Variants in CNTNAP5 observed in about 807,000 individuals in gnomAD.
CNTNAP5 encodes contactin associated protein family member 5.
Under a neutral mutation model 150.2 loss-of-function variants are expected in CNTNAP5, and 72 were observed. The observed-to-expected ratio is 0.48, with a 90% CI of 0.40 to 0.58. CNTNAP5 has a LOEUF of 0.58. Among genes scored for constraint, CNTNAP5 ranks in the 20% least tolerant of loss-of-function variants. The pLI is 0.00. For missense variants in CNTNAP5, 1,636 were observed against 1,626.2 expected (o/e 1.01, Z -0.10); for synonymous variants, 672 against 619.8 (o/e 1.08, Z -1.25).
chr2:124,337,520 G>A (rs1300090475), intron 3 of CNTNAP5, among the ~76,000 whole-genome samples: 2 of 152,134 alleles, frequency 1.3e-5, no homozygotes, highest in African/African-American at 4.8e-5. Context: ...TAACATTTAA[G>A]TCTTTAATCC....
At chr2:124,490,045 A>G (rs146687887) in intron 7 of CNTNAP5, among the ~76,000 whole-genome samples, 2 of 152,302 alleles carry the variant, frequency 1.3e-5, no homozygotes, top group African/African-American at 4.8e-5. Flanking sequence ...GGCAGAGTGC[A>G]GTGGCTTAAT....
intron 3 of CNTNAP5, among the ~76,000 whole-genome samples, chr2:124,243,234 A>T (rs1054575728): frequency 6.6e-6 from 1 of 152,312 alleles, no homozygotes; most frequent in Admixed American, 6.5e-5. Context: ...TTTAATCCAA[A>T]TGTGTGTAAA....
At chr2:124,407,067 C>T (rs1470935296) in intron 3 of CNTNAP5, among the ~76,000 whole-genome samples, 1 of 152,176 alleles carries the variant, frequency 6.6e-6, no homozygotes, top group Non-Finnish European at 1.5e-5. Flanking sequence ...ACATATACTA[C>T]ATTTCCTCTA....
At chr2:124,604,721 C>G (rs1697062948) in intron 11 of CNTNAP5, among the ~76,000 whole-genome samples, 1 of 152,148 alleles carries the variant, frequency 6.6e-6, no homozygotes, top group African/African-American at 2.4e-5. Context: ...TTTACAGTGT[C>G]CATAAATGGC....
chr2:124,222,859 A>G (rs1426147738), intron 2 of CNTNAP5, among the ~76,000 whole-genome samples: 1 of 151,720 alleles, frequency 6.6e-6, no homozygotes, highest in African/African-American at 2.4e-5. Context: ...CTTGTACTTC[A>G]TTTCACCAGT....
At chr2:124,772,741 G>C (rs1300818105) in intron 16 of CNTNAP5, 58 bp from the exon 17 acceptor site, 3 of 1,318,068 alleles carry the variant, frequency 2.3e-6, no homozygotes, top group Non-Finnish European at 2.2e-6. Flanking sequence ...ACTCAAGCCT[G>C]TGCCTTGAAT....
chr2:124,302,385 A>G (rs1194788746), intron 3 of CNTNAP5, among the ~76,000 whole-genome samples: 2 of 152,232 alleles, frequency 1.3e-5, no homozygotes, highest in African/African-American at 4.8e-5. Flanking sequence ...GTAATTTTAA[A>G]TAAACAGAAA....
At chr2:124,532,756 A>G (rs1215583924) in intron 10 of CNTNAP5, among the ~76,000 whole-genome samples, 2 of 152,210 alleles carry the variant, frequency 1.3e-5, no homozygotes, top group Non-Finnish European at 2.9e-5. Context: ...TTGCAAAATC[A>G]GGATCACAAA....
rs974681067 is a variant in CNTNAP5, at chr2:124,494,623, A to G, written c.1063-9669A>G. On this transcript the variant is annotated intron_variant, in intron 7 of 23. Transcript: ENST00000682447. ...CATTTAACCATCACACCTTACTGTT[A>G]TAATGACTTGTTGCTTTTGCCTTAT... is the stretch of plus-strand genomic sequence containing the variant. 2.6e-5 allele frequency among the ~76,000 whole-genome samples: 4 copies of G among 152,224 alleles called. No homozygotes were observed. In the South Asian group the frequency reaches 8.3e-4, roughly 32 times the overall value.
intron 1 of CNTNAP5, among the ~76,000 whole-genome samples, chr2:124,060,764 T>A (rs1311108373): frequency 2.0e-5 from 3 of 152,204 alleles, no homozygotes; most frequent in Admixed American, 6.5e-5. Context: ...GGCTTTCTAG[T>A]CAAGCTCTCT....
At chr2:124,428,115 C>T (rs181090606) in intron 4 of CNTNAP5, among the ~76,000 whole-genome samples, 3 of 152,284 alleles carry the variant, frequency 2.0e-5, no homozygotes. Flanking sequence ...CTTGAGCTTG[C>T]AGCTCCTTCC....
chr2:124,070,379 C>T (rs1573732099), intron 1 of CNTNAP5, among the ~76,000 whole-genome samples: 1 of 76,492 alleles, frequency 1.3e-5, no homozygotes, highest in African/African-American at 5.2e-5. Context: ...TAAAGAGAAA[C>T]AGAGTGGCTG....
chr2:124,583,645 G>A (rs1277671573), intron 11 of CNTNAP5, among the ~76,000 whole-genome samples: 5 of 152,318 alleles, frequency 3.3e-5, no homozygotes, highest in Admixed American at 1.3e-4. Context: ...GAAAACCACA[G>A]GAAAGATACT....
chr2:124,584,240 C>T lies in CNTNAP5; in HGVS notation c.1756+20917C>T, dbSNP rs142728533. On this transcript the variant is annotated intron_variant, in intron 11 of 23. Coordinates refer to ENST00000682447, the MANE Select transcript of CNTNAP5 (RefSeq NM_001367498.1). ...GTTTTGCAAGAAGATCTTGAAGCTGCAGCTTCCGGAGCTTTAAAATAAATT... is the reference window on the plus strand; with the variant it reads ...GTTTTGCAAGAAGATCTTGAAGCTGTAGCTTCCGGAGCTTTAAAATAAATT... Among the ~76,000 whole-genome samples the T allele has an allele frequency of 1.8e-3, 280 of 152,322 alleles. 1 individual carries two copies. The highest frequency in any genetic ancestry group is 6.5e-3 in the African/African-American group (270 of 41,580).
At chr2:124,516,834 A>G (rs1694730286) in intron 8 of CNTNAP5, among the ~76,000 whole-genome samples, 1 of 152,144 alleles carries the variant, frequency 6.6e-6, no homozygotes, top group South Asian at 2.1e-4. Context: ...TCTGTTAGAA[A>G]TTTTATGGAG....
chr2:124,608,526 T>C (rs1256150286), intron 11 of CNTNAP5, among the ~76,000 whole-genome samples: 1 of 152,216 alleles, frequency 6.6e-6, no homozygotes, highest in Non-Finnish European at 1.5e-5. Context: ...TTCCATCCTC[T>C]GGTGGCAACC....
At chr2:124,766,073 A>G (rs945168168) in intron 16 of CNTNAP5, among the ~76,000 whole-genome samples, 1 of 152,168 alleles carries the variant, frequency 6.6e-6, no homozygotes, top group Admixed American at 6.5e-5. Flanking sequence ...CATTGCTTAG[A>G]ATTACTTGTG....
rs1553466544 is a variant in CNTNAP5 at position 124,419,153 on chromosome 2, A to AAAAAAAAATAC, written c.529+1571_529+1572insTACAAAAAAAA. On this transcript the variant is annotated intron_variant, in intron 4 of 23. Coordinates refer to ENST00000682447, the MANE Select transcript of CNTNAP5 (RefSeq NM_001367498.1). The stretch of plus-strand genomic sequence containing the variant: ...GAGACTCCTTCTCAAAAAAAAAAAA[A>AAAAAAAAATAC]AAAAAAAAAACAGTATGAAGCTTTT... 6.5e-5 allele frequency among the ~76,000 whole-genome samples: 5 copies of AAAAAAAAATAC among 76,404 alleles called. 1 individual carries two copies. The highest frequency in any genetic ancestry group is 2.4e-4 in the African/African-American group (5 of 21,052). The allele number at this position is 76,404 out of a possible 152,430, so 50.1% of individuals were successfully genotyped here. A position where few individuals can be genotyped will look rare whatever the true frequency, so the allele number is the denominator to read the frequency against.
intron 14 of CNTNAP5, among the ~76,000 whole-genome samples, chr2:124,755,749 G>A (rs1680827190): frequency 6.6e-6 from 1 of 152,100 alleles, no homozygotes; most frequent in Non-Finnish European, 1.5e-5. Flanking sequence ...CTGTCTTATA[G>A]GTATTTTGTG....
Sources: allele counts gnomAD v4.1 joint callset (sites outside exome capture counted in the v4.1 genomes callset), GRCh38; gene constraint gnomAD v4.1.1; transcripts MANE v1.5; gene names NCBI Gene and HGNC (gene_info 2026-07-23, HGNC 2026-07-21).